The following SIL1 variants were observed in gnomAD, a reference collection of about 807,000 sequenced individuals.
SIL1 encodes the protein nucleotide exchange factor SIL1.
SIL1 carries 40 observed loss-of-function variants against 49.1 expected under a neutral mutation model. The observed-to-expected ratio is 0.81, with a 90% confidence interval of 0.63 to 1.06. The LOEUF is 1.06. Among genes scored for constraint, SIL1 ranks in the 50% least tolerant of loss-of-function variants. SIL1 has a pLI of 0.00. For missense variants in SIL1, 500 were observed against 572.6 expected, an observed-to-expected ratio of 0.87 and a Z score of 1.29; for synonymous variants, 253 against 250.8, an observed-to-expected ratio of 1.01 and a Z score of -0.08.
chr5:139,149,964 T>G (rs982220497), intron 1 of SIL1, among the ~76,000 whole-genome samples: 1 of 152,154 alleles, frequency 6.6e-6, no homozygotes, highest in Non-Finnish European at 1.5e-5. Context: ...GAATGAGAGA[T>G]AAGAGAAGGG....
intron 5 of SIL1, among the ~76,000 whole-genome samples, chr5:139,031,756 T>G (rs1447487813): frequency 6.6e-6 from 1 of 152,224 alleles, no homozygotes; most frequent in Non-Finnish European, 1.5e-5. Context: ...TCCATTTAAT[T>G]AAGTCTTCTT....
intron 1 of SIL1, among the ~76,000 whole-genome samples, chr5:139,193,708 CTTGTATAATGGTCATGGGTAGGGTA>C (rs1160594511): frequency 2.0e-5 from 3 of 152,208 alleles, no homozygotes; most frequent in Non-Finnish European, 1.5e-5. Flanking sequence ...TGTTCATTAA[CTTGTATAATGGTCATGGGTAGGGTA>C]ACTAACTTGT....
chr5:139,160,447 T>C (rs1751489440), intron 1 of SIL1, among the ~76,000 whole-genome samples: 1 of 152,190 alleles, frequency 6.6e-6, no homozygotes, highest in Admixed American at 6.5e-5. Flanking sequence ...AGAGAGCCAC[T>C]CTACCAAAAA....
intron 7 of SIL1, among the ~76,000 whole-genome samples, chr5:138,956,692 G>A (rs1168462813): frequency 6.6e-6 from 1 of 150,552 alleles, no homozygotes. Flanking sequence ...TCAGTGAGCT[G>A]AGATCACGCC....
chr5:139,185,558 G>T (rs755707265), intron 1 of SIL1, among the ~76,000 whole-genome samples: 11 of 152,180 alleles, frequency 7.2e-5, no homozygotes, highest in Non-Finnish European at 1.2e-4. Flanking sequence ...ACTTATGACC[G>T]ATGTCAAGTG....
chr5:138,987,645 T>C (rs1027340539), intron 7 of SIL1, among the ~76,000 whole-genome samples: 3 of 152,098 alleles, frequency 2.0e-5, no homozygotes, highest in African/African-American at 7.2e-5. Flanking sequence ...CATAGAAGCA[T>C]TAAAGTGACT....
intron 1 of SIL1, among the ~76,000 whole-genome samples, chr5:139,185,909 C>T (rs911927576): frequency 3.3e-5 from 5 of 152,260 alleles, no homozygotes; most frequent in Non-Finnish European, 7.3e-5. Flanking sequence ...AGACTTCCTT[C>T]TGGCTATTAT....
intron 3 of SIL1, among the ~76,000 whole-genome samples, chr5:139,068,178 G>A (rs1234167979): frequency 6.6e-6 from 1 of 152,178 alleles, no homozygotes; most frequent in Non-Finnish European, 1.5e-5. Flanking sequence ...AGACTGACTA[G>A]AGAGCAAAAC....
chr5:139,081,868 G>T (rs185328731), intron 3 of SIL1, among the ~76,000 whole-genome samples: 265 of 151,064 alleles, frequency 1.8e-3, no homozygotes, highest in Non-Finnish European at 3.0e-3. Flanking sequence ...AACAGAGCAA[G>T]ACTCTGTCTT....
At chr5:138,996,140 T>G (rs1767865923) in intron 7 of SIL1, among the ~76,000 whole-genome samples, 1 of 152,244 alleles carries the variant, frequency 6.6e-6, no homozygotes, top group Non-Finnish European at 1.5e-5. Flanking sequence ...TGTACTAATT[T>G]GCATTCCTAC....
intron 3 of SIL1, among the ~76,000 whole-genome samples, chr5:139,095,855 G>A (rs1359597165): frequency 6.6e-6 from 1 of 151,864 alleles, no homozygotes; most frequent in East Asian, 1.9e-4. Flanking sequence ...AAAATTTAAA[G>A]AAAGAAAGAT....
chr5:139,094,956 T>G (rs1382462244), intron 3 of SIL1, among the ~76,000 whole-genome samples: 8 of 152,222 alleles, frequency 5.3e-5, no homozygotes, highest in African/African-American at 1.4e-4. Context: ...TGGGTTTGTC[T>G]GATGTTTTTC....
At chr5:139,134,377 C>T (rs1459774349) in intron 1 of SIL1, among the ~76,000 whole-genome samples, 3 of 152,170 alleles carry the variant, frequency 2.0e-5, no homozygotes, top group African/African-American at 4.8e-5. Flanking sequence ...CTCAACTGAT[C>T]CACCCATGTC....
chr5:139,127,337 G>A (rs1048532732), intron 2 of SIL1, among the ~76,000 whole-genome samples: 2 of 152,202 alleles, frequency 1.3e-5, no homozygotes, highest in African/African-American at 4.8e-5. Flanking sequence ...CTGGCTGTGT[G>A]ATTTTGGCCA....
chr5:139,082,260 T>C (rs1389890109), intron 3 of SIL1, among the ~76,000 whole-genome samples: 3 of 152,226 alleles, frequency 2.0e-5, no homozygotes, highest in African/African-American at 7.2e-5. Flanking sequence ...AGGCTGATGA[T>C]AGAACTGAGT....
chr5:139,191,831 C>T (rs1257888477), intron 1 of SIL1, among the ~76,000 whole-genome samples: 3 of 151,986 alleles, frequency 2.0e-5, no homozygotes, highest in African/African-American at 7.3e-5. Context: ...AATCCCAGCA[C>T]TTTGGAAGGC....
chr5:139,154,484 C>T (rs1310948392), intron 1 of SIL1, among the ~76,000 whole-genome samples: 1 of 152,220 alleles, frequency 6.6e-6, no homozygotes, highest in African/African-American at 2.4e-5. Context: ...GCTGAGCACC[C>T]CTGTGAGCCA....
At chr5:139,160,143 T>TCACACACACACA (rs57028301) in intron 1 of SIL1, among the ~76,000 whole-genome samples, 7 of 137,866 alleles carry the variant, frequency 5.1e-5, no homozygotes, top group East Asian at 2.2e-4. Flanking sequence ...ATTTCCACAA[T>TCACACACACACA]CACACACACA....
chr5:139,042,698 G>A lies in SIL1; in HGVS notation c.375C>T (p.Thr125=). Residue 125 remains threonine, a synonymous_variant, in exon 5 of 10, where the codon ACC becomes ACT. Coordinates refer to ENST00000394817, the MANE Select transcript of SIL1 (RefSeq NM_022464.5). ...CACTCTTGAGATCCTGAGATGTGTA[G>A]GTGTTGGTGTTGATATCCAGCCTGT... ...KGKRLDINTN[T]YTSQDLKSAL... 1.2e-6 allele frequency: 2 copies of A among 1,614,182 alleles called. No homozygotes were observed. The highest frequency in any genetic ancestry group is 1.7e-6 in the Non-Finnish European group (2 of 1,180,032).
Sources: allele counts gnomAD v4.1 joint callset (sites outside exome capture counted in the v4.1 genomes callset), GRCh38; gene constraint gnomAD v4.1.1; transcripts MANE v1.5; gene names NCBI Gene and HGNC (gene_info 2026-07-23, HGNC 2026-07-21).